GMIP: variants seen among roughly 807,000 people sequenced by gnomAD.
The protein encoded by GMIP is GEM interacting protein, also known as GEM-interacting protein.
A neutral mutation model predicts 105.3 loss-of-function variants in GMIP; 54 were observed. The ratio of observed to expected loss-of-function variants is 0.51; its 90% CI spans 0.41 to 0.64. The LOEUF is 0.64. Among genes scored for constraint, GMIP ranks in the 30% least tolerant of loss-of-function variants. The pLI is 0.00. For synonymous variants in GMIP, 541 were observed against 560.8 expected (o/e 0.96, Z 0.50); for missense variants, 1,110 against 1,319.4 (o/e 0.84, Z 2.46).
Position 19,629,966 on chromosome 19 carries a change from G to A in GMIP, c.2910C>T (p.Leu970=), listed in dbSNP as rs1460219663. ...DVQPEEAEDH[L] is the part of the protein sequence containing the mutation. Reference sequence around the variant, plus strand: ...CTTATTTAAGGTGCCAGGGTGGTCAGAGATGGTCCTCGGCTTCCTCAGGCT... The same window carrying A: ...CTTATTTAAGGTGCCAGGGTGGTCAAAGATGGTCCTCGGCTTCCTCAGGCT... The change falls in exon 21 of 21, where the codon CTC becomes CTT. Residue 970 remains leucine (L), a synonymous_variant. Transcript: ENST00000203556. 6.2e-7 allele frequency: 1 copy of A among 1,608,300 alleles called. No homozygotes were observed. Among genetic ancestry groups the A allele is most frequent in the East Asian group, 2.2e-5 (1 of 44,736 alleles).
Position 19,635,770 on chromosome 19 carries a change from C to G in GMIP, c.1328-49G>C. ...GATTCCTGGGCTATGGGAGGCACTCCTGGTTTTTAGGGCTTCCAGAACCAC... is the reference window on the plus strand; with the variant it reads ...GATTCCTGGGCTATGGGAGGCACTCGTGGTTTTTAGGGCTTCCAGAACCAC... On this transcript the variant is annotated intron_variant, in intron 13 of 20. Transcript: ENST00000203556. The surrounding 1 kb of genome is among the most constrained non-coding windows in gnomAD (Gnocchi z 4.7). 1 of 1,526,114 alleles carries G rather than the reference C, an allele frequency of 6.6e-7. No homozygotes were observed. The highest frequency in any genetic ancestry group is 1.4e-5 in the African/African-American group (1 of 73,390). The allele number at this position is 1,526,114 out of a possible 1,614,324, so 94.5% of individuals were successfully genotyped here. A position where few individuals can be genotyped will look rare whatever the true frequency, so the allele number is the denominator to read the frequency against.
intron 19 of GMIP, among the ~76,000 whole-genome samples, chr19:19,632,208 C>T (rs962137079): frequency 3.3e-5 from 5 of 152,196 alleles, no homozygotes; most frequent in South Asian, 2.1e-4. Flanking sequence ...GCAGGAGAAT[C>T]GCTTGAATCC....
chr19:19,641,777 G>C (rs1384570880), intron 4 of GMIP, 33 bp downstream of exon 4: 2 of 1,478,240 alleles, frequency 1.4e-6, no homozygotes, highest in East Asian at 4.5e-5. Context: ...ACTCCTGTCT[G>C]TCCCCACTGT....
At chr19:19,642,671 C>T (rs549619568) in intron 1 of GMIP, 52 bp from the exon 2 acceptor site, 15 of 856,524 alleles carry the variant, frequency 1.8e-5, no homozygotes, top group East Asian at 2.6e-5. Flanking sequence ...CCTCCACCCA[C>T]GGCACCTCAA....
chr19:19,629,763 A>C lies in GMIP; in HGVS notation c.*200T>G. The C allele has an allele frequency of 1.7e-6, 1 of 586,816 alleles. No individual in the cohort carries two copies. The highest frequency in any genetic ancestry group is 3.0e-6 in the Non-Finnish European group (1 of 335,898). The allele number at this position is 586,816 out of a possible 1,614,324, so 36.4% of individuals were successfully genotyped here. ...GCAGTGACCTGTGTCTAGTGGGGGG[A>C]CTCTGGGACATTATCCCCAAAAGGG... On this transcript the variant is annotated 3_prime_UTR_variant, in exon 21 of 21. Transcript: ENST00000203556.
chr19:19,635,239 G>A lies in GMIP; in HGVS notation c.1561-26C>T. The stretch of plus-strand genomic sequence containing the variant: ...CTGTGGGGAAGGTCACAGGGACAGG[G>A]AGGTCATTAGGGACCAGTAGGGGAA... On this transcript the variant is annotated intron_variant, in intron 15 of 20. Coordinates refer to ENST00000203556, the MANE Select transcript of GMIP (RefSeq NM_016573.4). This position sits in a 1 kb window ranked among gnomAD's most constrained non-coding sequence, Gnocchi z 4.7. 1 of 1,595,920 alleles carries A rather than the reference G, an allele frequency of 6.3e-7. No individual in the cohort carries two copies. The highest frequency in any genetic ancestry group is 1.1e-5 in the South Asian group (1 of 89,936).
At position 19,634,103 on chromosome 19, in the gene GMIP, GCCGTC is replaced by G. The variant is rs757394261; in HGVS notation, c.2167_2171del (p.Asp723ProfsTer37). 6 of 1,612,628 alleles carry G rather than the reference GCCGTC, an allele frequency of 3.7e-6. No individual in the cohort carries two copies. The highest frequency in any genetic ancestry group is 5.1e-6 in the Non-Finnish European group (6 of 1,179,600). On this transcript the variant is annotated frameshift_variant, in exon 19 of 21. Transcript: ENST00000203556. LOFTEE classifies it high-confidence loss of function. The surrounding 1 kb of genome is among the most constrained non-coding windows in gnomAD (Gnocchi z 6.1). Reference sequence around the variant, plus strand: ...CAGGGATGGCGCTGGCTGCCCGCGGGCCGTCCGGCGGCCGCAGCAGTGTCGGCCCA... The same window carrying G: ...CAGGGATGGCGCTGGCTGCCCGCGGGCGGCGGCCGCAGCAGTGTCGGCCCA...
intron 5 of GMIP, 40 bp downstream of exon 5, chr19:19,640,406 G>A (rs774135794): frequency 1.9e-6 from 3 of 1,614,086 alleles, no homozygotes; most frequent in Non-Finnish European, 1.7e-6. Flanking sequence ...GGGGTCTGGG[G>A]ACTGCCTGGT....
At position 19,638,259 on chromosome 19, in the gene GMIP, C is replaced by A; in HGVS notation, c.689G>T (p.Arg230Leu). ...YVQRSEDLRA[R>L]SQGSPEDSAP... ...CGAGTCCTCAGGGGACCCCTGGGAGCGTGCCCGCAGGTCCTCGCTGCGTTG... is the reference window on the plus strand; with the variant it reads ...CGAGTCCTCAGGGGACCCCTGGGAGAGTGCCCGCAGGTCCTCGCTGCGTTG... Residue 230 changes from arginine to leucine, a missense_variant, in exon 9 of 21, where the codon CGC (arginine) becomes CTC (leucine). Transcript: ENST00000203556. 6.2e-7 allele frequency: 1 copy of A among 1,605,178 alleles called. No individual in the cohort carries two copies. The highest frequency in any genetic ancestry group is 2.2e-5 in the East Asian group (1 of 44,832).
chr19:19,630,014 C>G lies in GMIP; in HGVS notation c.2862G>C (p.Arg954Ser). 6.2e-7 allele frequency: 1 copy of G among 1,608,888 alleles called. No homozygotes were observed. The highest frequency in any genetic ancestry group is 1.1e-5 in the South Asian group (1 of 90,014). Residue 954 changes from arginine (R) to serine (S), a missense_variant, in exon 21 of 21, where the codon AGG (arginine) becomes AGC (serine). Coordinates refer to ENST00000203556, the MANE Select transcript of GMIP (RefSeq NM_016573.4). The surrounding 1 kb of genome is among the most constrained non-coding windows in gnomAD (Gnocchi z 4.8). ...LSKLDSEAVPRATCCPDVQPE... is the reference protein window; with the variant it reads ...LSKLDSEAVPSATCCPDVQPE... The stretch of plus-strand genomic sequence containing the variant: ...GCTGGACGTCCGGGCAGCAGGTGGC[C>G]CTGGGCACAGCCTCGCTGTCCAATT...
Position 19,642,694 on chromosome 19 carries a change from G to C in GMIP, c.20-75C>G, listed in dbSNP as rs888237583. The C allele has an allele frequency of 1.1e-4, 74 of 671,200 alleles. No homozygotes were observed. The African/African-American group carries it at 1.2e-3, about 11-fold the overall frequency. 41.6% of individuals were successfully genotyped at this position (671,200 alleles called of 1,614,324 possible). A position where few individuals can be genotyped will look rare whatever the true frequency, so the allele number is the denominator to read the frequency against. On this transcript the variant is annotated intron_variant, in intron 1 of 20. Transcript: ENST00000203556. ...CACGGCACCTCAACCAGTCTCATTT[G>C]GAGGGGGTGGAAGAGAAAGGGAAGA...
chr19:19,636,841 C>T, intron 12 of GMIP, 45 bp from the exon 13 acceptor site: 1 of 1,572,654 alleles, frequency 6.4e-7, no homozygotes. Context: ...CTCACAAACC[C>T]CACTCCTGCA....
rs961211023 is a variant in GMIP, at chr19:19,635,711, C to T, written c.1338G>A (p.Thr446=). Residue 446 remains threonine (T), a synonymous_variant, in exon 14 of 21, where the codon ACG becomes ACA. Transcript: ENST00000203556. This position sits in a 1 kb window ranked among gnomAD's most constrained non-coding sequence, Gnocchi z 4.7. ...TGGACGAAGCCTTCACCAGCTGCCT[C>T]GTGCCAGCGCCTGGGGTCAGAGGAA... The part of the protein sequence containing the change: ...DSPTSSPGAG[T]RQLVKASSTG... 9.3e-6 allele frequency: 15 copies of T among 1,613,916 alleles called. No homozygotes were observed. Among genetic ancestry groups the T allele is most frequent in the South Asian group, 5.5e-5 (5 of 91,078 alleles).
At position 19,635,120 on chromosome 19, in the gene GMIP, C is replaced by G. The variant is rs1396912743; in HGVS notation, c.1654G>C (p.Asp552His). ...LPARTPLFGV[D>H]FLQLPRDFPE... Reference sequence around the variant, plus strand: ...AAGTCCCTGGGTAGCTGCAGGAAGTCAACCCCAAAAAGGGGTGTCCGGGCT... The same window carrying G: ...AAGTCCCTGGGTAGCTGCAGGAAGTGAACCCCAAAAAGGGGTGTCCGGGCT... The change falls in exon 16 of 21, where the codon GAC (aspartate) becomes CAC (histidine). Residue 552 changes from aspartate (D) to histidine (H), a missense_variant. Asp to His is a moderately conservative substitution (Grantham distance 81, BLOSUM62 -1). Transcript: ENST00000203556. This position sits in a 1 kb window ranked among gnomAD's most constrained non-coding sequence, Gnocchi z 4.7. 1 of 1,613,950 alleles carries G rather than the reference C, an allele frequency of 6.2e-7. No homozygotes were observed. The highest frequency in any genetic ancestry group is 8.5e-7 in the Non-Finnish European group (1 of 1,179,936).
At chr19:19,641,372 C>T (rs868375502) in intron 4 of GMIP, among the ~76,000 whole-genome samples, 1 of 152,126 alleles carries the variant, frequency 6.6e-6, no homozygotes, top group African/African-American at 2.4e-5. Context: ...TGAGCCACTG[C>T]GTCCGGCCTT....
intron 7 of GMIP, among the ~76,000 whole-genome samples, chr19:19,639,829 A>G (rs957133923): frequency 6.6e-6 from 1 of 152,212 alleles, no homozygotes; most frequent in African/African-American, 2.4e-5. Flanking sequence ...AGCCTGGGCA[A>G]AAGAGCAAGA....
Position 19,634,418 on chromosome 19 carries a change from AG to A in GMIP, c.2084+88del. 1 of 1,177,810 alleles carries A rather than the reference AG, an allele frequency of 8.5e-7. No homozygotes were observed. Among genetic ancestry groups the A allele is most frequent in the Non-Finnish European group, 1.2e-6 (1 of 808,586 alleles). The allele number at this position is 1,177,810 out of a possible 1,614,324, so 73.0% of individuals were successfully genotyped here. On this transcript the variant is annotated intron_variant, in intron 18 of 20. Transcript: ENST00000203556. The surrounding 1 kb of genome is among the most constrained non-coding windows in gnomAD (Gnocchi z 6.1). ...TCAGAAAACACAGGTCAAAGGTCAG[AG>A]GTCAGTGTCAGGGGTCAGCCAGGGA... is the stretch of plus-strand genomic sequence containing the variant.
At chr19:19,638,777 T>TC in intron 7 of GMIP, among the ~76,000 whole-genome samples, 1 of 150,400 alleles carries the variant, frequency 6.6e-6, no homozygotes, top group Admixed American at 6.7e-5. Context: ...AACAATTTCT[T>TC]CTTTTTTTTT....
At position 19,635,158 on chromosome 19, in the gene GMIP, T is replaced by C; in HGVS notation, c.1616A>G (p.His539Arg). ...GGGTGTCCGGGCTGGGAGCCGCCTG[T>C]GTCCACAGAGGATCAGGAGAGTCTC... is the stretch of plus-strand genomic sequence containing the variant. Reference protein sequence around the residue: ...CLETLLILCGHRRLPARTPLF... With the variant: ...CLETLLILCGRRRLPARTPLF... The change falls in exon 16 of 21, where the codon CAC becomes CGC. Residue 539 changes from histidine (H) to arginine (R), a missense_variant. Physicochemically the swap from His to Arg is conservative, Grantham distance 29. Coordinates refer to ENST00000203556, the MANE Select transcript of GMIP (RefSeq NM_016573.4). The surrounding 1 kb of genome is among the most constrained non-coding windows in gnomAD (Gnocchi z 4.7). The C allele has an allele frequency of 6.2e-7, 1 of 1,613,910 alleles. No homozygotes were observed.
Sources: allele counts gnomAD v4.1 joint callset (sites outside exome capture counted in the v4.1 genomes callset), GRCh38; gene constraint gnomAD v4.1.1; non-coding constraint Gnocchi (gnomAD v3.1); transcripts MANE v1.5; gene names NCBI Gene and HGNC (gene_info 2026-07-23, HGNC 2026-07-21).